The following NRG1 variants were observed in gnomAD, a reference collection of about 807,000 sequenced individuals.
NRG1 encodes the protein pro-neuregulin-1, membrane-bound isoform.
Under a neutral mutation model 63.8 loss-of-function variants are expected in NRG1, and 18 were observed. The observed-to-expected ratio is 0.28, with a 90% CI of 0.19 to 0.42. The LOEUF is 0.42. Among genes scored for constraint, NRG1 ranks in the 10% least tolerant of loss-of-function variants. The probability of loss-of-function intolerance (pLI) is 1.00; values close to 1 mark genes in which losing one functional copy is unlikely to be tolerated. For synonymous variants in NRG1, 302 were observed against 301.3 expected (o/e 1.00, Z -0.02); for missense variants, 762 against 814.7 (o/e 0.94, Z 0.79).
intron 1 of NRG1, among the ~76,000 whole-genome samples, chr8:32,473,123 T>A (rs935261869): frequency 1.3e-5 from 2 of 152,206 alleles, no homozygotes; most frequent in Non-Finnish European, 2.9e-5. Flanking sequence ...AAAATCGTTT[T>A]GTTAAAGGGA....
intron 1 of NRG1, 28 bp from the exon 2 acceptor site, chr8:32,595,800 T>G: frequency 1.3e-6 from 2 of 1,591,846 alleles, no homozygotes; most frequent in East Asian, 4.5e-5. Flanking sequence ...TGATCAGAGT[T>G]GTTTTTCATT....
intron 1 of NRG1, among the ~76,000 whole-genome samples, chr8:31,786,409 C>G (rs1287730536): frequency 6.6e-6 from 1 of 152,198 alleles, no homozygotes; most frequent in East Asian, 1.9e-4. Context: ...TCACTACCAA[C>G]AAATAAACCA....
intron 1 of NRG1, among the ~76,000 whole-genome samples, chr8:31,808,195 G>T (rs939074381): frequency 7.2e-5 from 11 of 151,764 alleles, no homozygotes; most frequent in African/African-American, 2.4e-4. Flanking sequence ...TTATTATCAG[G>T]TTGTATATTT....
intron 1 of NRG1, among the ~76,000 whole-genome samples, chr8:31,653,590 G>T (rs1329529542): frequency 6.6e-6 from 1 of 152,142 alleles, no homozygotes; most frequent in Non-Finnish European, 1.5e-5. Flanking sequence ...AGACAAATTT[G>T]CCCTTTGCTG....
rs1435537118 is a variant in NRG1, at chr8:32,164,129, A to G, written c.38-431699A>G. Among the ~76,000 whole-genome samples the G allele has an allele frequency of 2.6e-5, 4 of 151,488 alleles. No homozygotes were observed. The East Asian group carries it at 5.8e-4, about 22-fold the overall frequency. On this transcript the variant is annotated intron_variant, in intron 1 of 10. Coordinates refer to the NRG1 transcript ENST00000519301. Reference sequence around the variant, plus strand: ...TCCTTCTTTATGTTCTGTTGCCTTCATCTCTTAGTTTTTCTATTCTATGCC... The same window carrying G: ...TCCTTCTTTATGTTCTGTTGCCTTCGTCTCTTAGTTTTTCTATTCTATGCC...
intron 1 of NRG1, among the ~76,000 whole-genome samples, chr8:32,386,372 TCCCTCCGTTG>T (rs1241821335): frequency 6.6e-6 from 1 of 152,196 alleles, no homozygotes; most frequent in Non-Finnish European, 1.5e-5. Flanking sequence ...CAGACTTTCC[TCCCTCCGTTG>T]CCTCTGTTTC....
chr8:32,273,124 G>A (rs1851721217), intron 1 of NRG1, among the ~76,000 whole-genome samples: 1 of 152,190 alleles, frequency 6.6e-6, no homozygotes, highest in Non-Finnish European at 1.5e-5. Context: ...CGTGTTATCA[G>A]CCTGGTTGTG....
At chr8:31,704,576 T>A (rs1677051921) in intron 1 of NRG1, among the ~76,000 whole-genome samples, 1 of 152,140 alleles carries the variant, frequency 6.6e-6, no homozygotes, top group Non-Finnish European at 1.5e-5. Context: ...CTCATGCCTG[T>A]AATCCCAGCA....
intron 1 of NRG1, among the ~76,000 whole-genome samples, chr8:31,659,336 A>G (rs1176675159): frequency 2.0e-5 from 3 of 152,202 alleles, no homozygotes; most frequent in Non-Finnish European, 1.5e-5. Flanking sequence ...GACCTTTCTG[A>G]ATGGACTTTG....
intron 6 of NRG1, among the ~76,000 whole-genome samples, chr8:32,738,003 A>G (rs1449819454): frequency 1.3e-5 from 2 of 152,146 alleles, no homozygotes; most frequent in African/African-American, 4.8e-5. Context: ...ATTGTGGATC[A>G]GATACGGACG....
intron 5 of NRG1, among the ~76,000 whole-genome samples, chr8:32,699,956 C>T (rs1814416453): frequency 6.6e-6 from 1 of 152,138 alleles, no homozygotes; most frequent in African/African-American, 2.4e-5. Flanking sequence ...ATAAGATTCA[C>T]ACTTCAAAGT....
At chr8:32,658,213 G>T (rs1801991615) in intron 5 of NRG1, among the ~76,000 whole-genome samples, 1 of 152,116 alleles carries the variant, frequency 6.6e-6, no homozygotes, top group Admixed American at 6.5e-5. Context: ...TCAATACAAG[G>T]ATTCTCAAAA....
chr8:31,746,562 C>T (rs1180525305), intron 1 of NRG1, among the ~76,000 whole-genome samples: 1 of 151,760 alleles, frequency 6.6e-6, no homozygotes, highest in Non-Finnish European at 1.5e-5. Flanking sequence ...ACAGGTAGGC[C>T]CGATACAAGA....
In NRG1 at chr8:32,606,131, A is replaced by T. The variant is rs1282014919; in HGVS notation, c.400+448A>T. ...GTTATATATGTATATATGTTTACGTATATATAACATATGTATTATATATGT... is the reference window on the plus strand; with the variant it reads ...GTTATATATGTATATATGTTTACGTTTATATAACATATGTATTATATATGT... On this transcript the variant is annotated intron_variant, in intron 3 of 11. Coordinates refer to ENST00000356819, the Ensembl canonical transcript of NRG1. Among the ~76,000 whole-genome samples the T allele has an allele frequency of 4.0e-5, 6 of 148,752 alleles. No individual in the cohort carries two copies. In the South Asian group the frequency reaches 1.0e-3, roughly 26 times the overall value.
chr8:31,985,831 C>T (rs894952773), intron 1 of NRG1, among the ~76,000 whole-genome samples: 2 of 152,152 alleles, frequency 1.3e-5, no homozygotes, highest in South Asian at 2.1e-4. Flanking sequence ...TTCTTAGGGG[C>T]TGTACTTATA....
intron 1 of NRG1, among the ~76,000 whole-genome samples, chr8:31,953,437 G>A (rs971085116): frequency 2.6e-5 from 4 of 152,168 alleles, no homozygotes; most frequent in Non-Finnish European, 5.9e-5. Flanking sequence ...AATTAAACTG[G>A]TAGAGGTGCT....
At chr8:31,979,844 A>G (rs545902863) in intron 1 of NRG1, among the ~76,000 whole-genome samples, 3 of 152,222 alleles carry the variant, frequency 2.0e-5, no homozygotes, top group Non-Finnish European at 2.9e-5. Flanking sequence ...TGCCTGTTCA[A>G]TGAAGCATTC....
chr8:31,944,514 A>G (rs952214375), intron 1 of NRG1, among the ~76,000 whole-genome samples: 3 of 152,144 alleles, frequency 2.0e-5, no homozygotes, highest in African/African-American at 7.2e-5. Context: ...GTAGAACAAA[A>G]ACTCTGTCTC....
chr8:31,645,647 C>T (rs1804217041), intron 1 of NRG1, among the ~76,000 whole-genome samples: 1 of 152,140 alleles, frequency 6.6e-6, no homozygotes, highest in African/African-American at 2.4e-5. Flanking sequence ...GAGAGAGATG[C>T]ATATGTGGTA....
Sources: allele counts gnomAD v4.1 joint callset (sites outside exome capture counted in the v4.1 genomes callset), GRCh38; gene constraint gnomAD v4.1.1; transcripts MANE v1.5; gene names NCBI Gene and HGNC (gene_info 2026-07-23, HGNC 2026-07-21).